The following WAPL variants were observed in gnomAD, a reference collection of about 807,000 sequenced individuals.
The protein encoded by WAPL is wings apart-like protein homolog.
In WAPL, 5 loss-of-function variants were observed where a neutral mutation model predicts 121.0. That is an observed-to-expected ratio of 0.04 (90% confidence interval 0.02 to 0.09). The LOEUF (loss-of-function observed/expected upper bound fraction) is 0.09. Ranked by LOEUF, WAPL falls within the 10% of genes least tolerant of loss-of-function variation. The pLI, the probability that WAPL is intolerant of heterozygous loss-of-function variation, is 1.00. For missense variants in WAPL, 999 were observed against 1,410.8 expected, an observed-to-expected ratio of 0.71 and a Z score of 4.68; for synonymous variants, 480 against 481.5, an observed-to-expected ratio of 1.00 and a Z score of 0.04.
At chr10:86,496,597 GGT>G (rs1842154511) in intron 4 of WAPL, among the ~76,000 whole-genome samples, 1 of 151,958 alleles carries the variant, frequency 6.6e-6, no homozygotes, top group Non-Finnish European at 1.5e-5. Flanking sequence ...GAGGTGTGGT[GGT>G]GTGTGTATGT....
At chr10:86,466,551 C>T (rs560449500) in intron 9 of WAPL, among the ~76,000 whole-genome samples, 1 of 152,156 alleles carries the variant, frequency 6.6e-6, no homozygotes, top group East Asian at 1.9e-4. Flanking sequence ...GCCTGGGCAA[C>T]AGAGCAAGAC....
intron 15 of WAPL, among the ~76,000 whole-genome samples, chr10:86,448,182 A>C (rs1840882716): frequency 6.6e-6 from 1 of 152,138 alleles, no homozygotes; most frequent in Non-Finnish European, 1.5e-5. Context: ...AGGTTTGGTT[A>C]AATAAAGTAC....
At chr10:86,510,218 G>A (rs1842434206) in intron 2 of WAPL, among the ~76,000 whole-genome samples, 1 of 151,506 alleles carries the variant, frequency 6.6e-6, no homozygotes, top group Non-Finnish European at 1.5e-5. Context: ...GGGATTATAG[G>A]CACACGCCAC....
chr10:86,503,760 A>C (rs1279052145), intron 2 of WAPL, among the ~76,000 whole-genome samples: 1 of 152,146 alleles, frequency 6.6e-6, no homozygotes, highest in Non-Finnish European at 1.5e-5. Context: ...CTCAAAAAAA[A>C]AAAAGAATAC....
In WAPL at chr10:86,436,487, T is replaced by C. The variant is rs1589483679; in HGVS notation, c.*1056A>G. On this transcript the variant is annotated 3_prime_UTR_variant, in exon 19 of 19. Coordinates refer to ENST00000298767, the MANE Select transcript of WAPL (RefSeq NM_015045.5). ...AATGTTTTGTGTTCCATAACTGTTT[T>C]TCAAATAACTGCTCTACGAACAAAG... is the stretch of plus-strand genomic sequence containing the variant. The C allele has an allele frequency of 2.0e-5, 3 of 152,620 alleles. No individual in the cohort carries two copies. The South Asian group carries it at 6.2e-4, about 32-fold the overall frequency. The allele number at this position is 152,620 out of a possible 1,614,324, so 9.5% of individuals were successfully genotyped here. A position where few individuals can be genotyped will look rare whatever the true frequency, so the allele number is the denominator to read the frequency against.
chr10:86,503,884 TA>T (rs1842293274), intron 2 of WAPL, among the ~76,000 whole-genome samples: 1 of 152,194 alleles, frequency 6.6e-6, no homozygotes, highest in African/African-American at 2.4e-5. Flanking sequence ...AAAATGGCGC[TA>T]GGGGCCAGGC....
At chr10:86,443,568 G>C in intron 16 of WAPL, 1 of 476,966 alleles carries the variant, frequency 2.1e-6, no homozygotes, top group Non-Finnish European at 3.7e-6. Flanking sequence ...AAAACTTTTA[G>C]TTAAAATTTT....
At chr10:86,443,550 G>A (rs1351083451) in intron 16 of WAPL, 187 bp from the exon 17 acceptor site, 2 of 496,770 alleles carry the variant, frequency 4.0e-6, no homozygotes, top group Non-Finnish European at 7.1e-6. Context: ...AAGAAAAGCT[G>A]AAACCATAAA....
chr10:86,497,911 C>T (rs1181533237), intron 3 of WAPL, among the ~76,000 whole-genome samples: 1 of 152,164 alleles, frequency 6.6e-6, no homozygotes, highest in African/African-American at 2.4e-5. Flanking sequence ...TATTTCCCAA[C>T]TGGTTAAAAA....
chr10:86,480,638 GA>G (rs1841761171), intron 4 of WAPL, among the ~76,000 whole-genome samples: 1 of 151,868 alleles, frequency 6.6e-6, no homozygotes, highest in Non-Finnish European at 1.5e-5. Flanking sequence ...AATATCTTGA[GA>G]CAACACCACC....
intron 8 of WAPL, among the ~76,000 whole-genome samples, chr10:86,469,287 C>G (rs1841480334): frequency 1.9e-3 from 1 of 524 alleles, no homozygotes; most frequent in Non-Finnish European, 6.4e-3. Flanking sequence ...GAGTCTCGCT[C>G]TGTCGCCCAG....
At position 86,521,597 on chromosome 10, in the gene WAPL, C is replaced by A; in HGVS notation, c.-255G>T. On this transcript the variant is annotated 5_prime_UTR_variant, in exon 1 of 19. Coordinates refer to ENST00000298767, the MANE Select transcript of WAPL (RefSeq NM_015045.5). ...CGCCGCCGGCCGGGCCCAGGCCTAG[C>A]TCTCGCTGGCCGCCACTGCTGGAGC... The A allele has an allele frequency of 2.2e-6, 1 of 453,168 alleles. No individual in the cohort carries two copies. The highest frequency in any genetic ancestry group is 4.5e-6 in the Non-Finnish European group (1 of 220,538). 28.1% of individuals were successfully genotyped at this position (453,168 alleles called of 1,614,324 possible).
At chr10:86,480,843 C>A (rs1454307985) in intron 4 of WAPL, among the ~76,000 whole-genome samples, 3 of 152,322 alleles carry the variant, frequency 2.0e-5, no homozygotes, top group South Asian at 2.1e-4. Context: ...GCCTTCCCTT[C>A]TAGTTCCTTC....
chr10:86,499,664 C>T (rs1007876772), intron 3 of WAPL, 54 bp downstream of exon 3: 3 of 1,507,536 alleles, frequency 2.0e-6, no homozygotes, highest in Admixed American at 4.6e-5. Flanking sequence ...GAAAGTGAAA[C>T]TGCAGGTAAG....
intron 17 of WAPL, among the ~76,000 whole-genome samples, chr10:86,442,856 G>A (rs901926659): frequency 4.6e-5 from 7 of 152,026 alleles, no homozygotes; most frequent in African/African-American, 9.7e-5. Context: ...TGGCTAACAC[G>A]ATGAATCCCC....
chr10:86,501,668 A>G (rs1589533839), intron 2 of WAPL, among the ~76,000 whole-genome samples: 1 of 152,320 alleles, frequency 6.6e-6, no homozygotes, highest in Non-Finnish European at 1.5e-5. Flanking sequence ...ATAATTTTTA[A>G]TTCTACCCAA....
At chr10:86,439,862 AG>A (rs1239547088) in intron 17 of WAPL, among the ~76,000 whole-genome samples, 1 of 152,264 alleles carries the variant, frequency 6.6e-6, no homozygotes, top group African/African-American at 2.4e-5. Context: ...CAAAGTGAGA[AG>A]ACATGGAGGG....
At chr10:86,478,498 C>G (rs1005015644) in intron 4 of WAPL, among the ~76,000 whole-genome samples, 2 of 152,056 alleles carry the variant, frequency 1.3e-5, no homozygotes, top group Admixed American at 6.6e-5. Flanking sequence ...ACAAAATAAG[C>G]AAAAAGTTCA....
rs535642423 is a variant in WAPL, at chr10:86,497,882, A to G, written c.1526-563T>C. 5.3e-5 allele frequency among the ~76,000 whole-genome samples: 8 copies of G among 152,344 alleles called. No homozygotes were observed. The South Asian group carries it at 1.4e-3, about 28-fold the overall frequency. ...AATGATTTGTCGGTCTTCAAACACAACTAACCAAAGAGTCAGTTTATTTCC... is the reference window on the plus strand; with the variant it reads ...AATGATTTGTCGGTCTTCAAACACAGCTAACCAAAGAGTCAGTTTATTTCC... On this transcript the variant is annotated intron_variant, in intron 3 of 18. Coordinates refer to ENST00000298767, the MANE Select transcript of WAPL (RefSeq NM_015045.5).
Sources: gnomAD v4.1 joint callset for allele counts (sites outside exome capture counted in the v4.1 genomes callset) on GRCh38, gnomAD v4.1.1 for gene constraint, MANE v1.5 for transcripts, NCBI Gene and HGNC (gene_info 2026-07-23, HGNC 2026-07-21) for gene names.